The following CAGE1 variants were observed in gnomAD, a reference collection of about 807,000 sequenced individuals.
The protein encoded by CAGE1 is cancer-associated gene 1 protein.
CAGE1 carries 66 observed loss-of-function variants against 94.9 expected under a neutral mutation model. That is an observed-to-expected ratio of 0.70 (90% confidence interval 0.57 to 0.85). CAGE1 has a LOEUF of 0.85. Ranked by LOEUF, CAGE1 falls within the 40% of genes least tolerant of loss-of-function variation. The pLI is 0.00. For missense variants in CAGE1, 865 were observed against 950.4 expected (o/e 0.91, Z 1.18); for synonymous variants, 319 against 321.0 (o/e 0.99, Z 0.07).
Position 7,356,143 on chromosome 6 carries a change from T to C in CAGE1, c.2194-14A>G. The C allele has an allele frequency of 7.2e-7, 1 of 1,396,570 alleles. No homozygotes were observed. The highest frequency in any genetic ancestry group is 9.9e-7 in the Non-Finnish European group (1 of 1,007,350). 86.5% of individuals were successfully genotyped at this position (1,396,570 alleles called of 1,614,324 possible). On this transcript the variant is annotated splice_polypyrimidine_tract_variant and intron_variant, in intron 9 of 13. Transcript: ENST00000502583. ...CAGTTTTGTGATCTATGGAGAAATATCAGTAAACATACTAATCTGGAACCT... is the reference window on the plus strand; with the variant it reads ...CAGTTTTGTGATCTATGGAGAAATACCAGTAAACATACTAATCTGGAACCT...
intron 11 of CAGE1, among the ~76,000 whole-genome samples, chr6:7,335,019 G>A (rs890253902): frequency 6.6e-6 from 1 of 152,160 alleles, no homozygotes; most frequent in East Asian, 1.9e-4. Flanking sequence ...AGCTCGAGAG[G>A]AGAATCCTTC....
At chr6:7,363,922 A>G (rs1005191534) in intron 9 of CAGE1, among the ~76,000 whole-genome samples, 6 of 152,204 alleles carry the variant, frequency 3.9e-5, no homozygotes, top group Non-Finnish European at 8.8e-5. Flanking sequence ...TCAGCTTTTA[A>G]TAGCTTACAT....
intron 12 of CAGE1, among the ~76,000 whole-genome samples, chr6:7,330,675 G>C (rs944100521): frequency 6.6e-6 from 1 of 152,166 alleles, no homozygotes; most frequent in Non-Finnish European, 1.5e-5. Flanking sequence ...AATATACTGA[G>C]ATCAATTGGG....
chr6:7,332,476 AGG>A (rs1302652775), intron 12 of CAGE1, among the ~76,000 whole-genome samples: 1 of 152,212 alleles, frequency 6.6e-6, no homozygotes, highest in Non-Finnish European at 1.5e-5. Context: ...ATGGTTCTTA[AGG>A]GATTTTCACA....
intron 11 of CAGE1, chr6:7,342,172 A>G (rs1336943229): frequency 1.1e-5 from 11 of 1,018,216 alleles, no homozygotes; most frequent in Non-Finnish European, 1.7e-5. Flanking sequence ...CTGCCTGGAC[A>G]GTTGGGCCCC....
chr6:7,353,696 TACACAC>T (rs59990182), intron 11 of CAGE1, among the ~76,000 whole-genome samples: 8,845 of 139,474 alleles, frequency 0.063, 329 homozygotes, highest in African/African-American at 0.1. Flanking sequence ...TATATATATG[TACACAC>T]ACACACACAC....
At position 7,379,044 on chromosome 6, in the gene CAGE1, A is replaced by G. The variant is rs1159797307; in HGVS notation, c.284-24T>C. 6.3e-6 allele frequency: 9 copies of G among 1,432,754 alleles called. No homozygotes were observed. In the Admixed American group the frequency reaches 2.5e-4, roughly 40 times the overall value. The allele number at this position is 1,432,754 out of a possible 1,614,324, so 88.8% of individuals were successfully genotyped here. A position where few individuals can be genotyped will look rare whatever the true frequency, so the allele number is the denominator to read the frequency against. ...ATCTCATAAGAAAGAGAAAGAAGGA[A>G]ATAAAAACGAGTAGACCATGAACTT... On this transcript the variant is annotated intron_variant, in intron 3 of 13. Coordinates refer to ENST00000502583, the MANE Select transcript of CAGE1 (RefSeq NM_001170692.2).
chr6:7,376,204 A>G (rs182697031), intron 4 of CAGE1, among the ~76,000 whole-genome samples: 93 of 151,988 alleles, frequency 6.1e-4, no homozygotes, highest in Admixed American at 2.7e-3. Flanking sequence ...CCTGGCTAAC[A>G]CTGTGAAACC....
chr6:7,331,154 T>C (rs1758736511), intron 12 of CAGE1: 1 of 236,120 alleles, frequency 4.2e-6, no homozygotes, highest in African/African-American at 2.3e-5. Context: ...TTTTTTTACA[T>C]CTTTAATGAA....
In CAGE1 at chr6:7,374,126, T is replaced by A. The variant is rs1396800585; in HGVS notation, c.693A>T (p.Ala231=). 1 of 1,609,172 alleles carries A rather than the reference T, an allele frequency of 6.2e-7. No individual in the cohort carries two copies. The highest frequency in any genetic ancestry group is 2.2e-5 in the East Asian group (1 of 44,792). ...AATTCTGTATTTCTTTTGAAGGAAC[T>A]GCAGTCTGTAAATTATAGTAAACAA... ...SQPPSFLCKT[A]VPSKEIQNYG... The change falls in exon 5 of 14, where the codon GCA becomes GCT. Residue 231 remains alanine (A), a synonymous_variant. Transcript: ENST00000502583.
intron 11 of CAGE1, among the ~76,000 whole-genome samples, chr6:7,346,782 A>G (rs1759560684): frequency 6.6e-6 from 1 of 151,442 alleles, no homozygotes; most frequent in Non-Finnish European, 1.5e-5. Context: ...CCTGGGAGGC[A>G]GACACTGTGC....
chr6:7,375,519 T>G (rs1760708433), intron 4 of CAGE1, among the ~76,000 whole-genome samples: 1 of 152,174 alleles, frequency 6.6e-6, no homozygotes, highest in African/African-American at 2.4e-5. Context: ...AGAGGATTCC[T>G]TGAGACCAGG....
At chr6:7,387,892 G>C (rs1761176870) in intron 1 of CAGE1, among the ~76,000 whole-genome samples, 1 of 149,380 alleles carries the variant, frequency 6.7e-6, no homozygotes, top group Non-Finnish European at 1.5e-5. Context: ...AAATTAGCTG[G>C]GCGCGGTGGC....
rs143058402 is a variant in CAGE1, at chr6:7,372,542, G to A, written c.1746+531C>T. On this transcript the variant is annotated intron_variant, in intron 5 of 13. Coordinates refer to ENST00000502583, the MANE Select transcript of CAGE1 (RefSeq NM_001170692.2). Reference sequence around the variant, plus strand: ...CAATGAGTACCCACAAAATTCCCACGTTAATGGCCACCTCTACCAAAAGAA... The same window carrying A: ...CAATGAGTACCCACAAAATTCCCACATTAATGGCCACCTCTACCAAAAGAA... 7.7e-4 allele frequency among the ~76,000 whole-genome samples: 117 copies of A among 150,980 alleles called. 1 individual carries two copies. The highest frequency in any genetic ancestry group is 2.7e-3 in the African/African-American group (112 of 41,090).
At chr6:7,354,062 T>C (rs1759872128) in intron 11 of CAGE1, among the ~76,000 whole-genome samples, 2 of 151,172 alleles carry the variant, frequency 1.3e-5, no homozygotes. Context: ...TAACCAAATA[T>C]CACCTGTACC....
chr6:7,386,693 T>A (rs940680633), intron 2 of CAGE1, among the ~76,000 whole-genome samples: 1 of 152,136 alleles, frequency 6.6e-6, no homozygotes, highest in Admixed American at 6.5e-5. Context: ...TTCAAGTGAT[T>A]CTCCTGTCTC....
intron 4 of CAGE1, among the ~76,000 whole-genome samples, chr6:7,377,499 T>C (rs1760784685): frequency 6.6e-6 from 1 of 152,088 alleles, no homozygotes; most frequent in South Asian, 2.1e-4. Flanking sequence ...TCCCAGCACT[T>C]TGGGAGGCCA....
At position 7,339,239 on chromosome 6, in the gene CAGE1, T is replaced by G. The variant is rs1486044328; in HGVS notation, c.2370-5149A>C. The G allele has an allele frequency of 6.3e-7, 1 of 1,580,082 alleles. No individual in the cohort carries two copies. The highest frequency in any genetic ancestry group is 1.7e-5 in the Admixed American group (1 of 59,974). ...AGGCCCTCCGCACAGCAAGCCCTCC[T>G]AGGAGTTTGTAAGGCAGAGACTCTG... On this transcript the variant is annotated intron_variant, in intron 11 of 13. Coordinates refer to ENST00000502583, the MANE Select transcript of CAGE1 (RefSeq NM_001170692.2). This position sits in a 1 kb window ranked among gnomAD's most constrained non-coding sequence, Gnocchi z 4.7.
intron 4 of CAGE1, among the ~76,000 whole-genome samples, chr6:7,376,367 C>T (rs977912562): frequency 6.6e-6 from 1 of 150,742 alleles, no homozygotes; most frequent in East Asian, 2.0e-4. Context: ...GCAGCCTGGG[C>T]GACAGAGCGA....
Sources: gnomAD v4.1 joint callset for allele counts (sites outside exome capture counted in the v4.1 genomes callset) on GRCh38, gnomAD v4.1.1 for gene constraint, Gnocchi (gnomAD v3.1) non-coding constraint, MANE v1.5 for transcripts, NCBI Gene and HGNC (gene_info 2026-07-23, HGNC 2026-07-21) for gene names.